SLC22A15: variants seen among roughly 807,000 people sequenced by gnomAD.
The protein encoded by SLC22A15 is solute carrier family 22 member 15.
SLC22A15 carries 45 observed loss-of-function variants against 62.7 expected under a neutral mutation model. That is an observed-to-expected ratio of 0.72 (90% CI 0.56 to 0.92). The LOEUF is 0.92. SLC22A15 is among the 40% of genes least tolerant of loss of function. The pLI is 0.00. For missense variants in SLC22A15, 622 were observed against 665.6 expected, an observed-to-expected ratio of 0.93 and a Z score of 0.72; for synonymous variants, 264 against 267.0, an observed-to-expected ratio of 0.99 and a Z score of 0.11.
At chr1:116,056,193 A>G (rs573654459) in intron 8 of SLC22A15, among the ~76,000 whole-genome samples, 3 of 152,164 alleles carry the variant, frequency 2.0e-5, no homozygotes, top group South Asian at 2.1e-4. Context: ...AAGCTGATAA[A>G]CAACTTCAGC....
intron 9 of SLC22A15, 42 bp downstream of exon 9, chr1:116,062,924 T>G (rs759477220): frequency 7.1e-5 from 114 of 1,604,860 alleles, no homozygotes; most frequent in Non-Finnish European, 9.4e-5. Context: ...CATTCTACAC[T>G]TTGTCATCCA....
chr1:116,055,335 C>T (rs571935809), intron 8 of SLC22A15, among the ~76,000 whole-genome samples: 1 of 151,962 alleles, frequency 6.6e-6, no homozygotes, highest in African/African-American at 2.4e-5. Context: ...TACACATACA[C>T]CCTCCCAAGA....
intron 6 of SLC22A15, among the ~76,000 whole-genome samples, chr1:116,033,557 CTGTGTG>C (rs752224418): frequency 4.9e-4 from 74 of 149,558 alleles, no homozygotes; most frequent in African/African-American, 1.8e-3. Context: ...AGGGGTGTCT[CTGTGTG>C]TGTGTGTGTG....
chr1:116,058,860 G>A (rs944930325), intron 8 of SLC22A15, among the ~76,000 whole-genome samples: 2 of 152,104 alleles, frequency 1.3e-5, no homozygotes, highest in African/African-American at 2.4e-5. Context: ...GAAGTAACTC[G>A]GAATGGAAAA....
intron 8 of SLC22A15, among the ~76,000 whole-genome samples, chr1:116,045,608 G>A (rs1462651737): frequency 6.6e-6 from 1 of 151,430 alleles, no homozygotes; most frequent in Non-Finnish European, 1.5e-5. Context: ...GCGTGGTGGT[G>A]CACCTCTGTA....
chr1:116,047,351 C>T (rs763688458), intron 8 of SLC22A15, among the ~76,000 whole-genome samples: 19 of 152,264 alleles, frequency 1.2e-4, no homozygotes, highest in Admixed American at 7.8e-4. Context: ...CGCTTGAACC[C>T]GGGAGGCGGA....
chr1:116,003,329 C>T (rs1462830091), intron 2 of SLC22A15, among the ~76,000 whole-genome samples: 1 of 152,152 alleles, frequency 6.6e-6, no homozygotes, highest in Non-Finnish European at 1.5e-5. Context: ...CCTTGGCTAC[C>T]CAAGCTGGTG....
At chr1:116,009,845 A>G (rs1656162677) in intron 2 of SLC22A15, among the ~76,000 whole-genome samples, 1 of 152,234 alleles carries the variant, frequency 6.6e-6, no homozygotes, top group Admixed American at 6.5e-5. Context: ...ACAAATATGA[A>G]GCCCTGTTGA....
In SLC22A15 at chr1:116,067,805, T is replaced by C. The variant is rs1658532809; in HGVS notation, c.*697T>C. 6.6e-6 allele frequency: 1 copy of C among 152,226 alleles called. No homozygotes were observed. Among genetic ancestry groups the C allele is most frequent in the African/African-American group, 2.4e-5 (1 of 41,448 alleles). 9.4% of individuals were successfully genotyped at this position (152,226 alleles called of 1,614,324 possible). ...TTACTCAGAGTCAGGGGTGTAGCTC[T>C]GGCTGCCTGTCAGCTCCCTTGGATA... On this transcript the variant is annotated 3_prime_UTR_variant, in exon 12 of 12. Transcript: ENST00000369503.
At chr1:116,018,158 A>G (rs886149066) in intron 2 of SLC22A15, among the ~76,000 whole-genome samples, 1 of 152,148 alleles carries the variant, frequency 6.6e-6, no homozygotes, top group Non-Finnish European at 1.5e-5. Context: ...CCATTATGCA[A>G]TAATTCCCTG....
chr1:116,062,642 A>G (rs890500480), intron 8 of SLC22A15, 120 bp from the exon 9 acceptor site: 1 of 1,131,054 alleles, frequency 8.8e-7, no homozygotes, highest in South Asian at 1.4e-5. Context: ...ATTTGGTTAC[A>G]CTATCTCTTT....
At chr1:115,988,137 C>T (rs919688484) in intron 1 of SLC22A15, among the ~76,000 whole-genome samples, 1 of 152,174 alleles carries the variant, frequency 6.6e-6, no homozygotes, top group Non-Finnish European at 1.5e-5. Context: ...ACTTGTTCTC[C>T]TTCCCTAGAG....
chr1:116,021,467 A>G (rs1411200482), intron 4 of SLC22A15, among the ~76,000 whole-genome samples: 1 of 152,234 alleles, frequency 6.6e-6, no homozygotes, highest in Non-Finnish European at 1.5e-5. Context: ...ATATTGTCAT[A>G]AGAGAAGTAA....
intron 6 of SLC22A15, 40 bp from the exon 7 acceptor site, chr1:116,035,147 C>G: frequency 6.3e-7 from 1 of 1,592,430 alleles, no homozygotes; most frequent in Non-Finnish European, 8.6e-7. Context: ...TGTTGTCCTT[C>G]TTGTCTTTTA....
At chr1:115,999,459 T>TATTTACTTC (rs1341904296) in intron 2 of SLC22A15, among the ~76,000 whole-genome samples, 1 of 151,890 alleles carries the variant, frequency 6.6e-6, no homozygotes, top group Admixed American at 6.6e-5. Context: ...ATTTACTTCA[T>TATTTACTTC]ATATTTGGGT....
chr1:116,027,383 T>G (rs377058983), intron 5 of SLC22A15: 3 of 518,926 alleles, frequency 5.8e-6, no homozygotes, highest in South Asian at 4.2e-5. Flanking sequence ...TGTAGAACAG[T>G]GTATTCATAT....
chr1:116,002,154 G>T (rs139466112), intron 2 of SLC22A15, among the ~76,000 whole-genome samples: 1 of 152,208 alleles, frequency 6.6e-6, no homozygotes, highest in Non-Finnish European at 1.5e-5. Flanking sequence ...GGATTACCAG[G>T]CAGAGCCTCT....
At chr1:115,976,746 C>CCT in intron 1 of SLC22A15, 32 bp downstream of exon 1, 1 of 1,539,478 alleles carries the variant, frequency 6.5e-7, no homozygotes, top group Non-Finnish European at 8.8e-7. Context: ...GCCGCATTTC[C>CCT]CTCTTCAGGG....
intron 1 of SLC22A15, 38 bp from the exon 2 acceptor site, chr1:115,991,993 T>A: frequency 6.4e-7 from 1 of 1,570,474 alleles, no homozygotes; most frequent in Middle Eastern, 2.2e-4. Context: ...TGATGGCAAA[T>A]ATCTGCAGTG....
Sources: allele counts gnomAD v4.1 joint callset (sites outside exome capture counted in the v4.1 genomes callset), GRCh38; gene constraint gnomAD v4.1.1; transcripts MANE v1.5; gene names NCBI Gene and HGNC (gene_info 2026-07-23, HGNC 2026-07-21).